Variants in RNF6 observed in about 807,000 individuals in gnomAD.
RNF6 encodes the protein E3 ubiquitin-protein ligase RNF6.
In RNF6, 21 loss-of-function variants were observed where a neutral mutation model predicts 50.1. That is an observed-to-expected ratio of 0.42 (90% CI 0.30 to 0.60). The LOEUF is 0.60. Ranked by LOEUF, RNF6 falls within the 20% of genes least tolerant of loss-of-function variation. The probability of loss-of-function intolerance (pLI) is 0.20; values close to 1 mark genes in which losing one functional copy is unlikely to be tolerated. For synonymous variants in RNF6, 255 were observed against 291.8 expected, an observed-to-expected ratio of 0.87 and a Z score of 1.29; for missense variants, 698 against 838.2, an observed-to-expected ratio of 0.83 and a Z score of 2.07.
At chr13:26,152,815 T>C (rs953496217) in intron 5 of RNF6, among the ~76,000 whole-genome samples, 18 of 152,294 alleles carry the variant, frequency 1.2e-4, no homozygotes, top group East Asian at 7.7e-4. Flanking sequence ...GCATGGACTA[T>C]AGCATTTGGT....
At chr13:26,217,528 G>C (rs761882483) in intron 4 of RNF6, among the ~76,000 whole-genome samples, 8 of 152,226 alleles carry the variant, frequency 5.3e-5, no homozygotes, top group Non-Finnish European at 1.2e-4. Context: ...TCTCACGCTA[G>C]TGCGTGGACC....
At chr13:26,139,935 C>A (rs868100158) in intron 5 of RNF6, among the ~76,000 whole-genome samples, 1 of 152,232 alleles carries the variant, frequency 6.6e-6, no homozygotes, top group South Asian at 2.1e-4. Context: ...GCAATCCTTC[C>A]ACCTCAGCCT....
At chr13:26,161,845 C>A (rs536351922) in intron 5 of RNF6, among the ~76,000 whole-genome samples, 1 of 152,288 alleles carries the variant, frequency 6.6e-6, no homozygotes, top group Non-Finnish European at 1.5e-5. Flanking sequence ...CCCATTGTGT[C>A]TTCTCTTTCC....
intron 5 of RNF6, among the ~76,000 whole-genome samples, chr13:26,206,205 G>GC (rs990346083): frequency 2.3e-5 from 3 of 132,052 alleles, no homozygotes; most frequent in East Asian, 5.2e-4. Flanking sequence ...CCTCCCCACT[G>GC]CCCCCCGTCC....
chr13:26,134,278 C>A (rs1178886156), intron 5 of RNF6, among the ~76,000 whole-genome samples: 3 of 152,340 alleles, frequency 2.0e-5, no homozygotes, highest in Admixed American at 2.0e-4. Flanking sequence ...TCCTACCTGG[C>A]CTCCTCTGAC....
chr13:26,163,273 T>C (rs945215513), intron 5 of RNF6, among the ~76,000 whole-genome samples: 6 of 151,812 alleles, frequency 4.0e-5, no homozygotes, highest in African/African-American at 9.7e-5. Context: ...GATCGCGCCA[T>C]TGCACTCCAG....
rs190398259 is a variant in RNF6, at chr13:26,157,209, G to A, written n.769-24758C>T. 8.6e-5 allele frequency among the ~76,000 whole-genome samples: 13 copies of A among 151,928 alleles called. No individual in the cohort carries two copies. The East Asian group carries it at 2.5e-3, about 29-fold the overall frequency. Reference sequence around the variant, plus strand: ...CATCAAACTGTACACTTTAAATTGGGCAAATTAAATGATATGTAAATTTTA... The same window carrying A: ...CATCAAACTGTACACTTTAAATTGGACAAATTAAATGATATGTAAATTTTA... On this transcript the variant is annotated intron_variant and non_coding_transcript_variant, in intron 5 of 5. Transcript: ENST00000468480.
intron 5 of RNF6, among the ~76,000 whole-genome samples, chr13:26,187,941 T>G (rs1873634783): frequency 6.6e-6 from 1 of 152,210 alleles, no homozygotes; most frequent in Non-Finnish European, 1.5e-5. Context: ...CACTGGACAC[T>G]AGGTGTCAAA....
Position 26,214,178 on chromosome 13 carries a change from G to A in RNF6, c.1704C>T (p.Gly568=), listed in dbSNP as rs1326296007. 5.0e-6 allele frequency: 8 copies of A among 1,614,174 alleles called. No homozygotes were observed. The highest frequency in any genetic ancestry group is 3.3e-4 in the Middle Eastern group (2 of 6,062). ...PHTRNSDSRG[G]RQLRNPNNLV... ...AATTGTTTGGATTTCGCAACTGCCT[G>A]CCACCCCTACTGTCACTGTTTCGAG... The change falls in exon 5 of 5, where the codon GGC becomes GGT. Residue 568 remains glycine, a synonymous_variant. Coordinates refer to ENST00000381588, the MANE Select transcript of RNF6 (RefSeq NM_005977.4).
chr13:26,198,388 T>G (rs1419487847), intron 5 of RNF6, among the ~76,000 whole-genome samples: 1 of 151,932 alleles, frequency 6.6e-6, no homozygotes, highest in Non-Finnish European at 1.5e-5. Flanking sequence ...GAATCTGCTT[T>G]ACTCAAAATC....
In RNF6 at chr13:26,214,394, A is replaced by G. The variant is rs1443166808; in HGVS notation, c.1488T>C (p.Ser496=). ...QIMTGFGELS[S]LMEADSESEL... ...CTGACTCAGAATCGGCCTCCATTAG[A>G]GAACTCAGTTCTCCAAACCCAGTCA... The change falls in exon 5 of 5, where the codon TCT becomes TCC. Residue 496 remains serine (S), a synonymous_variant. Transcript: ENST00000381588. The G allele has an allele frequency of 1.2e-6, 2 of 1,614,066 alleles. No individual in the cohort carries two copies. The highest frequency in any genetic ancestry group is 2.7e-5 in the African/African-American group (2 of 74,930).
At chr13:26,143,280 C>T (rs993291386) in intron 5 of RNF6, among the ~76,000 whole-genome samples, 2 of 151,706 alleles carry the variant, frequency 1.3e-5, no homozygotes, top group African/African-American at 4.8e-5. Context: ...GTATTCTAGA[C>T]TCTTCCTTAT....
At chr13:26,221,059 C>T (rs1215588880) in intron 2 of RNF6, among the ~76,000 whole-genome samples, 189 bp downstream of exon 2, 2 of 152,150 alleles carry the variant, frequency 1.3e-5, no homozygotes, top group Non-Finnish European at 2.9e-5. Context: ...TCTCTATCTT[C>T]AGATTAAGAC....
intron 5 of RNF6, among the ~76,000 whole-genome samples, chr13:26,142,970 A>T (rs1384138260): frequency 6.6e-6 from 1 of 152,152 alleles, no homozygotes; most frequent in Non-Finnish European, 1.5e-5. Context: ...ACACACAAAC[A>T]TATTCATAAC....
intron 5 of RNF6, among the ~76,000 whole-genome samples, chr13:26,152,767 T>C (rs1871687608): frequency 6.6e-6 from 1 of 152,190 alleles, no homozygotes; most frequent in Non-Finnish European, 1.5e-5. Context: ...ATATGTTACA[T>C]AGATCATTGT....
At chr13:26,221,094 G>C (rs1250563420) in intron 2 of RNF6, among the ~76,000 whole-genome samples, 154 bp downstream of exon 2, 2 of 152,120 alleles carry the variant, frequency 1.3e-5, no homozygotes, top group Admixed American at 6.6e-5. Context: ...AGCATATTTC[G>C]TAGGTACAGC....
At chr13:26,198,818 A>G (rs200891566) in intron 5 of RNF6, among the ~76,000 whole-genome samples, 2 of 152,154 alleles carry the variant, frequency 1.3e-5, no homozygotes, top group Admixed American at 6.5e-5. Flanking sequence ...ACAAAAATCA[A>G]TTGTACAGGT....
intron 5 of RNF6, among the ~76,000 whole-genome samples, chr13:26,163,080 G>A (rs1593158639): frequency 2.0e-5 from 3 of 152,070 alleles, no homozygotes; most frequent in Admixed American, 2.0e-4. Context: ...GGAGGCTGAG[G>A]CGGGTGGATC....
At chr13:26,181,293 A>T (rs555702977) in intron 5 of RNF6, among the ~76,000 whole-genome samples, 2 of 152,302 alleles carry the variant, frequency 1.3e-5, no homozygotes, top group East Asian at 3.9e-4. Flanking sequence ...ACTCTAAAGG[A>T]AGAAAGGAAA....
Sources: gnomAD v4.1 joint callset for allele counts (sites outside exome capture counted in the v4.1 genomes callset) on GRCh38, gnomAD v4.1.1 for gene constraint, MANE v1.5 for transcripts, NCBI Gene and HGNC (gene_info 2026-07-23, HGNC 2026-07-21) for gene names.